Variants in CACNA1I observed in about 807,000 individuals in gnomAD.
The protein encoded by CACNA1I is calcium voltage-gated channel subunit alpha1 I.
CACNA1I carries 74 observed loss-of-function variants against 201.6 expected under a neutral mutation model. The ratio of observed to expected loss-of-function variants is 0.37; its 90% CI spans 0.30 to 0.45. The LOEUF is 0.45. CACNA1I is among the 20% of genes least tolerant of loss of function. CACNA1I has a pLI of 1.00. For missense variants in CACNA1I, 2,346 were observed against 3,138.1 expected, an observed-to-expected ratio of 0.75 and a Z score of 6.03; for synonymous variants, 1,431 against 1,345.2, an observed-to-expected ratio of 1.06 and a Z score of -1.40.
rs1323987686 is a variant in CACNA1I at position 39,629,534 on chromosome 22, G to GCCAGGCAGGT, written c.581-5022_581-5021insTCCAGGCAGG. 1.5e-3 allele frequency among the ~76,000 whole-genome samples: 231 copies of GCCAGGCAGGT among 152,126 alleles called. No homozygotes were observed. Among genetic ancestry groups the GCCAGGCAGGT allele is most frequent in the African/African-American group, 5.4e-3 (225 of 41,502 alleles). On this transcript the variant is annotated intron_variant, in intron 4 of 36. Transcript: ENST00000402142. The surrounding 1 kb of genome is among the most constrained non-coding windows in gnomAD (Gnocchi z 4.8). ...TTATCACAATGATGAATGTATGACG[G>GCCAGGCAGGT]CCAGGCAGGGCCAGGCAGGACGGAG...
chr22:39,655,390 C>T (rs920579137), intron 10 of CACNA1I, among the ~76,000 whole-genome samples: 15 of 152,162 alleles, frequency 9.9e-5, no homozygotes, highest in African/African-American at 3.6e-4. Context: ...CCCCCTACCT[C>T]CTGCCTCTGG....
rs1935887033 is a variant in CACNA1I, at chr22:39,686,605, CAT to C, written c.*202_*203del. 9.6e-6 allele frequency: 1 copy of C among 103,670 alleles called. No homozygotes were observed. The highest frequency in any genetic ancestry group is 1.8e-5 in the Non-Finnish European group (1 of 55,770). 6.4% of individuals were successfully genotyped at this position (103,670 alleles called of 1,614,324 possible). On this transcript the variant is annotated 3_prime_UTR_variant, in exon 37 of 37. Coordinates refer to ENST00000402142, the MANE Select transcript of CACNA1I (RefSeq NM_021096.4). ...CATGGTGGCCCTTCCAGTGCATATA[CAT>C]ACATATATATATATATATGCATATA...
intron 5 of CACNA1I, among the ~76,000 whole-genome samples, chr22:39,637,794 C>A (rs1934257457): frequency 6.6e-6 from 1 of 152,212 alleles, no homozygotes; most frequent in African/African-American, 2.4e-5. Flanking sequence ...TTTTTTGTGT[C>A]CTGTTTAAGA....
intron 10 of CACNA1I, among the ~76,000 whole-genome samples, chr22:39,653,489 G>A (rs764249628): frequency 3.9e-5 from 6 of 152,184 alleles, no homozygotes; most frequent in Non-Finnish European, 7.3e-5. Context: ...GGTGGCGCTC[G>A]CAGAGAGAGG....
rs59155285 is a variant in CACNA1I at position 39,583,031 on chromosome 22, ACCATCCATCCATCCATCCAT to A, written c.236+12075_236+12094del. On this transcript the variant is annotated intron_variant, in intron 1 of 36. Transcript: ENST00000402142. ...ATCTGTCTTTCCATCCAAGCACCCA[ACCATCCATCCATCCATCCAT>A]CCATCCATCCATCCATCCATCCATC... 1.5e-3 allele frequency among the ~76,000 whole-genome samples: 173 copies of A among 116,546 alleles called. 2 individuals are homozygous for A. The South Asian group carries it at 0.031, about 21-fold the overall frequency. 76.5% of individuals were successfully genotyped at this position (116,546 alleles called of 152,430 possible).
At chr22:39,646,212 C>CA (rs1224388445) in intron 7 of CACNA1I, among the ~76,000 whole-genome samples, 7 of 152,014 alleles carry the variant, frequency 4.6e-5, no homozygotes, top group African/African-American at 1.5e-4. Context: ...TCTCTCTGGG[C>CA]CCCTCCACCT....
chr22:39,585,726 A>AATT (rs1439172512), intron 1 of CACNA1I, among the ~76,000 whole-genome samples: 13 of 68,260 alleles, frequency 1.9e-4, no homozygotes, highest in Non-Finnish European at 3.2e-4. Flanking sequence ...AAACTTTTAA[A>AATT]GTTTTTTTTT....
chr22:39,588,378 TTTC>T (rs758053415), intron 1 of CACNA1I, among the ~76,000 whole-genome samples: 14 of 138,456 alleles, frequency 1.0e-4, no homozygotes, highest in Non-Finnish European at 2.2e-4. Context: ...TCTTTCTTTC[TTTC>T]TTTCTTTTTT....
intron 3 of CACNA1I, among the ~76,000 whole-genome samples, 168 bp from the exon 4 acceptor site, chr22:39,619,142 C>T (rs1221746459): frequency 3.3e-5 from 5 of 152,188 alleles, no homozygotes; most frequent in African/African-American, 1.2e-4. Context: ...AGACAAGGGC[C>T]ACCAACCCCA....
intron 33 of CACNA1I, 88 bp downstream of exon 33, chr22:39,679,956 T>C: frequency 3.6e-6 from 5 of 1,371,458 alleles, no homozygotes; most frequent in Non-Finnish European, 5.0e-6. Context: ...AGCCTGGCTC[T>C]GGGCTGTAGA....
At chr22:39,661,433 G>A in intron 16 of CACNA1I, 123 bp downstream of exon 16, 1 of 751,632 alleles carries the variant, frequency 1.3e-6, no homozygotes, top group Non-Finnish European at 2.0e-6. Context: ...TCAGGCAGGG[G>A]CCATGTCTGT....
chr22:39,665,773 C>A lies in CACNA1I; in HGVS notation c.3979-108C>A. On this transcript the variant is annotated intron_variant, in intron 22 of 36. Coordinates refer to ENST00000402142, the MANE Select transcript of CACNA1I (RefSeq NM_021096.4). The surrounding 1 kb of genome is among the most constrained non-coding windows in gnomAD (Gnocchi z 5.5). ...CCAGGGAGGGAGACAGACATGGGCC[C>A]AGATGACTGAGCACAAGACAGTCTG... is the stretch of plus-strand genomic sequence containing the variant. 1 of 1,554,378 alleles carries A rather than the reference C, an allele frequency of 6.4e-7. No individual in the cohort carries two copies.
intron 3 of CACNA1I, among the ~76,000 whole-genome samples, chr22:39,606,427 G>A (rs142479790): frequency 3.4e-4 from 52 of 152,310 alleles, no homozygotes; most frequent in African/African-American, 1.1e-3. Flanking sequence ...TCCTGCACTC[G>A]CACAGCTCAG....
chr22:39,680,866 C>T lies in CACNA1I; in HGVS notation c.5542-64C>T, dbSNP rs569168770. ...AGAGCCTCAGGCCTGTGGCTGCACG[C>T]CCCAGGACCCAGGTCTGCCCATCCC... is the stretch of plus-strand genomic sequence containing the variant. On this transcript the variant is annotated intron_variant, in intron 33 of 36. Transcript: ENST00000402142. The T allele has an allele frequency of 2.6e-6, 4 of 1,552,600 alleles. No individual in the cohort carries two copies. In the African/African-American group the frequency reaches 5.4e-5, roughly 21 times the overall value.
chr22:39,672,053 G>A (rs1280642206), intron 26 of CACNA1I, 146 bp from the exon 27 acceptor site: 4 of 617,720 alleles, frequency 6.5e-6, no homozygotes, highest in Non-Finnish European at 8.9e-6. Context: ...ACACTAAGAT[G>A]GAAAGAATAA....
At chr22:39,651,259 G>A (rs1394541534) in intron 10 of CACNA1I, among the ~76,000 whole-genome samples, 1 of 152,194 alleles carries the variant, frequency 6.6e-6, no homozygotes, top group Non-Finnish European at 1.5e-5. Flanking sequence ...CATTCTGTTT[G>A]CTGCCCTGCG....
At chr22:39,619,537 G>C (rs530941760) in intron 4 of CACNA1I, 130 bp downstream of exon 4, 1 of 691,776 alleles carries the variant, frequency 1.4e-6, no homozygotes, top group South Asian at 1.7e-5. Context: ...ATTAGGGCCC[G>C]GGTGTGCTCA....
At position 39,634,636 on chromosome 22, in the gene CACNA1I, T is replaced by G; in HGVS notation, c.652T>G (p.Phe218Val). The stretch of plus-strand genomic sequence containing the variant: ...GGGGAATGTCCTGCTGCTCTGCTTC[T>G]TTGTCTTCTTCATCTTTGGCATCAT... Reference protein sequence around the residue: ...MLGNVLLLCFFVFFIFGIIGV... With the variant: ...MLGNVLLLCFVVFFIFGIIGV... The change falls in exon 5 of 37, where the codon TTT becomes GTT. Residue 218 changes from phenylalanine to valine, a missense_variant. Physicochemically the swap from Phe to Val is conservative, Grantham distance 50 (BLOSUM62 -1). This residue lies in a region of CACNA1I where 227 missense variants were observed against 412.5 expected (regional missense o/e 0.55). Coordinates refer to ENST00000402142, the MANE Select transcript of CACNA1I (RefSeq NM_021096.4). 1 of 1,613,984 alleles carries G rather than the reference T, an allele frequency of 6.2e-7. No homozygotes were observed. The highest frequency in any genetic ancestry group is 8.5e-7 in the Non-Finnish European group (1 of 1,179,892).
chr22:39,620,237 GTCCA>G (rs67971450), intron 4 of CACNA1I, among the ~76,000 whole-genome samples: 4,304 of 117,646 alleles, frequency 0.037, 173 homozygotes, highest in African/African-American at 0.13. Context: ...CCATCCACCT[GTCCA>G]TCCATCCATC....
Sources: allele counts gnomAD v4.1 joint callset (sites outside exome capture counted in the v4.1 genomes callset), GRCh38; gene constraint gnomAD v4.1.1; regional missense constraint gnomAD v4.1.1; non-coding constraint Gnocchi (gnomAD v3.1); transcripts MANE v1.5; gene names NCBI Gene and HGNC (gene_info 2026-07-23, HGNC 2026-07-21).